Variants in CASK observed in about 807,000 individuals in gnomAD.
The protein encoded by CASK is peripheral plasma membrane protein CASK.
Under a neutral mutation model 82.9 loss-of-function variants are expected in CASK, and 4 were observed. That is an observed-to-expected ratio of 0.05 (90% CI 0.02 to 0.11). The LOEUF is 0.11. Ranked by LOEUF, CASK falls within the 10% of genes least tolerant of loss-of-function variation. The pLI, the probability that CASK is intolerant of heterozygous loss-of-function variation, is 1.00. For synonymous variants in CASK, 259 were observed against 253.5 expected (o/e 1.02, Z -0.20); for missense variants, 358 against 720.9 (o/e 0.50, Z 5.76).
At chrX:41,724,394 C>T (rs2068219956) in intron 5 of CASK, 2 of 112,456 alleles carry the variant, frequency 1.8e-5, no homozygotes, top group African/African-American at 6.5e-5. Context: ...GAAAGGCAGT[C>T]AGCATATTAA....
At chrX:41,752,903 C>T (rs970802738) in intron 3 of CASK, among the ~76,000 whole-genome samples, 19 of 111,796 alleles carry the variant, frequency 1.7e-4, no homozygotes, top group Admixed American at 1.4e-3. Context: ...ATATGTCCTT[C>T]GGCTCAATTA....
intron 1 of CASK, among the ~76,000 whole-genome samples, chrX:41,887,296 CCACACACACACACACACACA>C (rs3055225): frequency 6.0e-5 from 5 of 83,509 alleles, no homozygotes; most frequent in East Asian, 4.1e-4. Flanking sequence ...CTAGTTGAGT[CCACACACACACACACACACA>C]CACACACACA....
intron 12 of CASK, among the ~76,000 whole-genome samples, chrX:41,598,986 C>T (rs932605677): frequency 1.8e-5 from 2 of 111,721 alleles, no homozygotes; most frequent in East Asian, 5.6e-4. Flanking sequence ...GAAAATTTTA[C>T]AAATCTTACA....
At chrX:41,732,947 C>T (rs1479231542) in intron 5 of CASK, among the ~76,000 whole-genome samples, 1 of 109,225 alleles carries the variant, frequency 9.2e-6, no homozygotes, top group Admixed American at 9.8e-5. Flanking sequence ...CGTGGTGGCT[C>T]ACAAGGTCAG....
chrX:41,618,825 CTT>C (rs1207067880), intron 11 of CASK, among the ~76,000 whole-genome samples: 14 of 89,848 alleles, frequency 1.6e-4, no homozygotes, highest in Non-Finnish European at 1.3e-4. Context: ...TGTCCAATTT[CTT>C]TTTTTTTTTT....
At chrX:41,919,822 A>G (rs1480005123) in intron 1 of CASK, among the ~76,000 whole-genome samples, 1 of 112,567 alleles carries the variant, frequency 8.9e-6, no homozygotes, top group African/African-American at 3.2e-5. Flanking sequence ...GCATCCTTCC[A>G]ATATTTGTAA....
At chrX:41,612,226 C>A (rs1312708205) in intron 11 of CASK, among the ~76,000 whole-genome samples, 1 of 109,326 alleles carries the variant, frequency 9.1e-6, no homozygotes, top group Non-Finnish European at 1.9e-5. Context: ...AGCATCTCTG[C>A]CCCGCCGCCA....
rs1331372678 is a variant in CASK at position 41,599,198 on chromosome X, C to T, written c.1156-9606G>A. ...GACAACTGCTTACTGTATTTAATGG[C>T]CAAGAAGAATGTTCCTGGATGCTCT... is the stretch of plus-strand genomic sequence containing the variant. On this transcript the variant is annotated intron_variant, in intron 12 of 26. Transcript: ENST00000378163. Among the ~76,000 whole-genome samples, 3 of 111,448 alleles carry T rather than the reference C, an allele frequency of 2.7e-5. No homozygotes were observed. In the Admixed American group the frequency reaches 2.9e-4, roughly 11 times the overall value.
At chrX:41,653,178 C>G (rs2066888979) in intron 8 of CASK, among the ~76,000 whole-genome samples, 1 of 112,284 alleles carries the variant, frequency 8.9e-6, no homozygotes, top group African/African-American at 3.2e-5. Flanking sequence ...AGTTTTTCCA[C>G]CTTCAGTTAG....
intron 5 of CASK, among the ~76,000 whole-genome samples, chrX:41,700,186 T>C (rs990348189): frequency 8.9e-5 from 10 of 112,026 alleles, no homozygotes; most frequent in Non-Finnish European, 3.8e-5. Context: ...GTTGAATTTC[T>C]AAGATTAGGT....
Position 41,696,642 on chromosome X carries a change from A to G in CASK, c.430-25112T>C, listed in dbSNP as rs770431124. The G allele has an allele frequency of 7.6e-5, 92 of 1,209,353 alleles. 1 individual carries two copies. In the Middle Eastern group the frequency reaches 9.1e-4, roughly 12 times the overall value. On this transcript the variant is annotated intron_variant, in intron 5 of 26. Transcript: ENST00000378163. ...CCTGATGTCCAGTAACATTCGCAAA[A>G]TAATGTGCCAACTTCTTTTTAGACG...
At chrX:41,897,318 A>G (rs1384402989) in intron 1 of CASK, among the ~76,000 whole-genome samples, 4 of 111,945 alleles carry the variant, frequency 3.6e-5, no homozygotes, top group African/African-American at 1.3e-4. Flanking sequence ...TCATGAAAAG[A>G]TTTTGAATTT....
At chrX:41,920,274 G>C (rs2072761117) in intron 1 of CASK, among the ~76,000 whole-genome samples, 1 of 111,723 alleles carries the variant, frequency 9.0e-6, no homozygotes, top group South Asian at 3.7e-4. Context: ...TATCTTCAAG[G>C]GCTTTCTGTT....
At chrX:41,748,646 G>A in intron 3 of CASK, 1 of 145,513 alleles carries the variant, frequency 6.9e-6, no homozygotes, top group Non-Finnish European at 1.4e-5. Context: ...TGCCTCAATG[G>A]ACTCTGGTGT....
chrX:41,903,371 C>T (rs2072416044), intron 1 of CASK, among the ~76,000 whole-genome samples: 1 of 111,834 alleles, frequency 8.9e-6, no homozygotes, highest in African/African-American at 3.2e-5. Context: ...GGGCTAGCAA[C>T]AAAGTGGGAG....
intron 16 of CASK, among the ~76,000 whole-genome samples, chrX:41,568,492 G>C: frequency 9.0e-6 from 1 of 110,672 alleles, no homozygotes; most frequent in Non-Finnish European, 1.9e-5. Flanking sequence ...AAAATGCTTA[G>C]AGTGTTACTT....
chrX:41,731,535 A>G (rs2068396186), intron 5 of CASK, among the ~76,000 whole-genome samples: 1 of 112,537 alleles, frequency 8.9e-6, no homozygotes, highest in Non-Finnish European at 1.9e-5. Flanking sequence ...AGATTCTTAC[A>G]TTTAAAAAGG....
chrX:41,604,984 T>G, intron 12 of CASK, among the ~76,000 whole-genome samples: 1 of 112,556 alleles, frequency 8.9e-6, no homozygotes, highest in Non-Finnish European at 1.9e-5. Flanking sequence ...TGTTTCAGTT[T>G]GGCAGTTTTG....
chrX:41,763,377 T>C, intron 3 of CASK, among the ~76,000 whole-genome samples: 1 of 111,426 alleles, frequency 9.0e-6, no homozygotes, highest in South Asian at 3.8e-4. Context: ...AATTTTATTA[T>C]TTTGCCAGGT....
Sources: allele counts gnomAD v4.1 joint callset (sites outside exome capture counted in the v4.1 genomes callset), GRCh38; gene constraint gnomAD v4.1.1; transcripts MANE v1.5; gene names NCBI Gene and HGNC (gene_info 2026-07-23, HGNC 2026-07-21).